DCLRE1C: variants seen among roughly 807,000 people sequenced by gnomAD.
DCLRE1C encodes the protein DNA cross-link repair 1C.
In DCLRE1C, 47 loss-of-function variants were observed where a neutral mutation model predicts 61.4. The observed-to-expected ratio is 0.77, with a 90% CI of 0.61 to 0.98. The LOEUF (loss-of-function observed/expected upper bound fraction) is 0.98, where lower values mean the gene tolerates loss of function less well. Ranked by LOEUF, DCLRE1C falls within the 50% of genes least tolerant of loss-of-function variation. The probability of loss-of-function intolerance (pLI) is 0.00; values close to 1 mark genes in which losing one functional copy is unlikely to be tolerated. For synonymous variants in DCLRE1C, 337 were observed against 287.6 expected, an observed-to-expected ratio of 1.17 and a Z score of -1.74; for missense variants, 858 against 816.0, an observed-to-expected ratio of 1.05 and a Z score of -0.63.
At chr10:14,901,546 T>G (rs1199752779), downstream of DCLRE1C, among the ~76,000 whole-genome samples, 3 of 143,590 alleles carry the variant, frequency 2.1e-5, no homozygotes, top group Non-Finnish European at 4.6e-5. Flanking sequence ...ACTACTTGTC[T>G]TTTTTTTTTT....
downstream of DCLRE1C, among the ~76,000 whole-genome samples, chr10:14,902,093 T>C (rs1834067018): frequency 6.6e-6 from 1 of 152,238 alleles, no homozygotes; most frequent in Non-Finnish European, 1.5e-5. Flanking sequence ...GTATTAGATA[T>C]TCCCAGTAAG....
In DCLRE1C at chr10:14,935,327, G is replaced by A. The variant is rs41297020; in HGVS notation, c.464+136C>T. The A allele has an allele frequency of 7.7e-3, 7,042 of 919,324 alleles. 302 individuals are homozygous for A. The African/African-American group carries it at 0.1, about 13-fold the overall frequency. The allele number at this position is 919,324 out of a possible 1,614,324, so 56.9% of individuals were successfully genotyped here. A position where few individuals can be genotyped will look rare whatever the true frequency, so the allele number is the denominator to read the frequency against. On this transcript the variant is annotated intron_variant, in intron 6 of 13. Transcript: ENST00000378278. ...ACTAAAAATACAAAATTAGCTGGGC[G>A]TGGTGGCACGTACCTGTTATCCCAG...
intron 11 of DCLRE1C, among the ~76,000 whole-genome samples, chr10:14,925,942 C>T (rs1837899434): frequency 1.3e-5 from 2 of 152,170 alleles, no homozygotes; most frequent in Admixed American, 1.3e-4. Flanking sequence ...TGGCTACCTC[C>T]ATACTGTTCT....
chr10:14,902,611 C>T (rs974245615), downstream of DCLRE1C: 4 of 733,392 alleles, frequency 5.5e-6, no homozygotes, highest in Admixed American at 3.5e-5. Flanking sequence ...AAGGTTCTAC[C>T]TATGTTAATT....
intron 13 of DCLRE1C, among the ~76,000 whole-genome samples, chr10:14,918,303 A>C (rs1836537126): frequency 6.6e-6 from 1 of 152,262 alleles, no homozygotes; most frequent in East Asian, 1.9e-4. Flanking sequence ...CTTATCAATA[A>C]AAGAGGGTGA....
intron 2 of DCLRE1C, 131 bp from the exon 3 acceptor site, chr10:14,945,320 C>G: frequency 1.4e-6 from 2 of 1,398,246 alleles, no homozygotes; most frequent in Non-Finnish European, 1.9e-6. Flanking sequence ...GAAACCCCAT[C>G]CCTAATAAAA....
At chr10:14,951,856 G>A (rs1016257112) in intron 1 of DCLRE1C, among the ~76,000 whole-genome samples, 7 of 152,094 alleles carry the variant, frequency 4.6e-5, no homozygotes, top group African/African-American at 1.7e-4. Context: ...TGGGGGTTAG[G>A]GCTTCAACAT....
At chr10:14,948,371 G>C (rs1841989140) in intron 2 of DCLRE1C, among the ~76,000 whole-genome samples, 1 of 152,158 alleles carries the variant, frequency 6.6e-6, no homozygotes, top group South Asian at 2.1e-4. Context: ...CTTGAGAAGG[G>C]GGAATTTAGA....
chr10:14,902,584 T>G (rs568751476), downstream of DCLRE1C: 1 of 938,678 alleles, frequency 1.1e-6, no homozygotes, highest in Non-Finnish European at 1.5e-6. Context: ...AAATACATAT[T>G]TGGGACTCTT....
rs1354336544 is a variant in DCLRE1C at position 14,909,222 on chromosome 10, G to A, written c.1265C>T (p.Ser422Leu). The change falls in exon 14 of 14, where the codon TCA (serine) becomes TTA (leucine). Residue 422 changes from serine (S) to leucine (L), a missense_variant. Physicochemically the swap from Ser to Leu is moderately radical, Grantham distance 145. Transcript: ENST00000378278. ...TCTCAGTTTTTCAGGCTGCTTTTCT[G>A]ATACTGCAGTCATTGAAAATACCTC... is the stretch of plus-strand genomic sequence containing the variant. ...HPEVFSMTAVSEKQPEKLRQT... is the reference protein window; with the variant it reads ...HPEVFSMTAVLEKQPEKLRQT... 5 of 1,613,858 alleles carry A rather than the reference G, an allele frequency of 3.1e-6. No homozygotes were observed. In the Admixed American group the frequency reaches 8.3e-5, roughly 27 times the overall value.
chr10:14,901,543 GTCT>G (rs985092186), downstream of DCLRE1C, among the ~76,000 whole-genome samples: 1 of 146,386 alleles, frequency 6.8e-6, no homozygotes, highest in African/African-American at 2.6e-5. Context: ...TGTACTACTT[GTCT>G]TTTTTTTTTT....
rs375336429 is a variant in DCLRE1C, at chr10:14,939,866, A to G, written c.250T>C (p.Ser84Pro). The change falls in exon 4 of 14, where the codon TCT becomes CCT. Residue 84 changes from serine to proline, a missense_variant. This residue lies in a region of DCLRE1C where 843 missense variants were observed against 783.5 expected (regional missense o/e 1.08). Transcript: ENST00000378278. ...TGGGTAGGAGTCTCGATTTCAATAG[A>G]TATCTATAAAAATAAAATAAGAGAC... Reference protein sequence around the residue: ...KYRFWKKRIISIEIETPTQIS... With the variant: ...KYRFWKKRIIPIEIETPTQIS... 8.2e-6 allele frequency: 13 copies of G among 1,591,516 alleles called. No homozygotes were observed. In the African/African-American group the frequency reaches 1.6e-4, roughly 20 times the overall value.
At chr10:14,903,254 T>G (rs185218421), downstream of DCLRE1C, 79 of 152,270 alleles carry the variant, frequency 5.2e-4, no homozygotes, top group African/African-American at 1.7e-3. Flanking sequence ...TGAAAGGACA[T>G]GATAATGGGA....
At chr10:14,934,594 G>A in intron 7 of DCLRE1C, 74 bp from the exon 8 acceptor site, 1 of 1,613,632 alleles carries the variant, frequency 6.2e-7, no homozygotes, top group South Asian at 1.1e-5. Context: ...ACAGTCCCAG[G>A]TACTCACACC....
At chr10:14,912,181 G>A (rs1165244350) in intron 13 of DCLRE1C, among the ~76,000 whole-genome samples, 4 of 152,188 alleles carry the variant, frequency 2.6e-5, no homozygotes, top group African/African-American at 9.7e-5. Context: ...CTGCCTAAGT[G>A]CTAGAATTAC....
chr10:14,953,971 T>G lies in DCLRE1C; in HGVS notation c.40A>C (p.Ile14Leu). 6.2e-7 allele frequency: 1 copy of G among 1,613,978 alleles called. No individual in the cohort carries two copies. Among genetic ancestry groups the G allele is most frequent in the Non-Finnish European group, 8.5e-7 (1 of 1,179,906 alleles). The change falls in exon 1 of 14, where the codon ATC becomes CTC. Residue 14 changes from isoleucine to leucine, a missense_variant. By Grantham distance (5) the Ile-to-Leu change is conservative. Around this residue, in one of 2 missense-constraint regions of DCLRE1C, gnomAD observed 15 missense variants for 32.5 expected, o/e 0.46. Coordinates refer to ENST00000378278, the MANE Select transcript of DCLRE1C (RefSeq NM_001033855.3). The stretch of plus-strand genomic sequence containing the variant: ...TCCCTATCGAAGCGGTCTATGGAGA[T>G]AGTTGGATACTCGGCCATCTGCCCC... ...FEGQMAEYPTISIDRFDRENL... is the reference protein window; with the variant it reads ...FEGQMAEYPTLSIDRFDRENL...
In DCLRE1C at chr10:14,918,167, A is replaced by G. The variant is rs1318346452; in HGVS notation, c.1156+1571T>C. ...AGGTGTGAAAGCCTACGTCCATACA[A>G]AAGTTTGTACATGAATGTTCATGGC... On this transcript the variant is annotated intron_variant, in intron 13 of 13. Transcript: ENST00000378278. Among the ~76,000 whole-genome samples the G allele has an allele frequency of 3.9e-5, 6 of 152,210 alleles. No homozygotes were observed. The East Asian group carries it at 1.2e-3, about 29-fold the overall frequency.
intron 3 of DCLRE1C, among the ~76,000 whole-genome samples, chr10:14,944,181 T>C (rs1841313625): frequency 6.6e-6 from 1 of 152,122 alleles, no homozygotes. Context: ...TCTAAAATAT[T>C]AAAATGTGGC....
At position 14,935,360 on chromosome 10, in the gene DCLRE1C, G is replaced by C. The variant is rs377683913; in HGVS notation, c.464+103C>G. On this transcript the variant is annotated intron_variant, in intron 6 of 13. Transcript: ENST00000378278. Reference sequence around the variant, plus strand: ...ACGTACCTGTTATCCCAGCTACTTGGGAGGCTGAGGCAGGAGAATCGCTTG... The same window carrying C: ...ACGTACCTGTTATCCCAGCTACTTGCGAGGCTGAGGCAGGAGAATCGCTTG... The C allele has an allele frequency of 3.1e-6, 4 of 1,283,710 alleles. No individual in the cohort carries two copies. The African/African-American group carries it at 6.0e-5, about 19-fold the overall frequency. The allele number at this position is 1,283,710 out of a possible 1,614,324, so 79.5% of individuals were successfully genotyped here.
Sources: allele counts gnomAD v4.1 joint callset (sites outside exome capture counted in the v4.1 genomes callset), GRCh38; gene constraint gnomAD v4.1.1; regional missense constraint gnomAD v4.1.1; transcripts MANE v1.5; gene names NCBI Gene and HGNC (gene_info 2026-07-23, HGNC 2026-07-21).